The following OSGEPL1 variants were observed in gnomAD, a reference collection of about 807,000 sequenced individuals.
OSGEPL1 encodes tRNA N6-adenosine threonylcarbamoyltransferase, mitochondrial.
Under a neutral mutation model 37.2 loss-of-function variants are expected in OSGEPL1, and 26 were observed. That is an observed-to-expected ratio of 0.70 (90% confidence interval 0.51 to 0.97). The LOEUF is 0.97. OSGEPL1 is among the 50% of genes least tolerant of loss of function. The probability of loss-of-function intolerance (pLI) is 0.00; values close to 1 mark genes in which losing one functional copy is unlikely to be tolerated. For missense variants in OSGEPL1, 404 were observed against 487.0 expected, an observed-to-expected ratio of 0.83 and a Z score of 1.60; for synonymous variants, 140 against 159.9, an observed-to-expected ratio of 0.88 and a Z score of 0.94.
chr2:189,749,405 A>G (rs1024340255), intron 8 of OSGEPL1, among the ~76,000 whole-genome samples: 2 of 151,792 alleles, frequency 1.3e-5, no homozygotes, highest in Non-Finnish European at 2.9e-5. Flanking sequence ...TGCTGTCTAT[A>G]AAAATCGAAA....
chr2:189,762,855 C>T (rs1223484440), upstream of OSGEPL1: 1 of 985,298 alleles, frequency 1.0e-6, no homozygotes, highest in Non-Finnish European at 1.2e-6. Context: ...GAGCGGCATG[C>T]TTAGTGAAGA....
At chr2:189,747,506 C>G (rs1352489351) in intron 8 of OSGEPL1, among the ~76,000 whole-genome samples, 1 of 152,020 alleles carries the variant, frequency 6.6e-6, no homozygotes, top group African/African-American at 2.4e-5. Flanking sequence ...TTGTGGCTAA[C>G]AGTGTTGCTC....
chr2:189,746,750 T>C lies in OSGEPL1; in HGVS notation c.*447A>G, dbSNP rs2044217322. On this transcript the variant is annotated 3_prime_UTR_variant, in exon 9 of 9. Coordinates refer to ENST00000264151, the MANE Select transcript of OSGEPL1 (RefSeq NM_022353.3). ...TTTGAATGAAAGTTCTTGATCTCGA[T>C]ACTAAGCAGATTTTCCTTAGCATGT... is the stretch of plus-strand genomic sequence containing the variant. 5 of 966,394 alleles carry C rather than the reference T, an allele frequency of 5.2e-6. No individual in the cohort carries two copies. The highest frequency in any genetic ancestry group is 7.2e-6 in the Non-Finnish European group (5 of 696,966). 59.9% of individuals were successfully genotyped at this position (966,394 alleles called of 1,614,324 possible). A position where few individuals can be genotyped will look rare whatever the true frequency, so the allele number is the denominator to read the frequency against.
intron 2 of OSGEPL1, among the ~76,000 whole-genome samples, chr2:189,756,064 T>G (rs2046032799): frequency 5.3e-5 from 8 of 152,098 alleles, no homozygotes; most frequent in Admixed American, 5.2e-4. Context: ...GGCATCAAAG[T>G]TTGTTCAGCT....
intron 2 of OSGEPL1, 133 bp downstream of exon 2, chr2:189,761,287 A>C: frequency 1.1e-6 from 1 of 896,762 alleles, no homozygotes; most frequent in South Asian, 2.1e-5. Context: ...GAGGTTTTCT[A>C]TAGCAGTTAT....
chr2:189,752,104 A>G (rs1422872829), intron 7 of OSGEPL1, among the ~76,000 whole-genome samples: 1 of 151,852 alleles, frequency 6.6e-6, no homozygotes, highest in East Asian at 1.9e-4. Flanking sequence ...AGAATGCGCC[A>G]CTGCACTCTA....
At chr2:189,761,318 AATAAGACAGT>A (rs1383284722) in intron 2 of OSGEPL1, 92 bp downstream of exon 2, 5 of 1,261,630 alleles carry the variant, frequency 4.0e-6, no homozygotes, top group Middle Eastern at 2.8e-4. Flanking sequence ...TGCAAAAAGG[AATAAGACAGT>A]AGCTCCTGAA....
At chr2:189,759,398 G>A (rs931513115) in intron 2 of OSGEPL1, among the ~76,000 whole-genome samples, 2 of 152,138 alleles carry the variant, frequency 1.3e-5, no homozygotes, top group Middle Eastern at 3.4e-3. Flanking sequence ...ACAGGCGTCC[G>A]CCACCACGCC....
chr2:189,749,251 A>G (rs2044694881), intron 8 of OSGEPL1, among the ~76,000 whole-genome samples: 1 of 141,480 alleles, frequency 7.1e-6, no homozygotes, highest in African/African-American at 2.6e-5. Flanking sequence ...GTCTAAAAAA[A>G]AAAAAAAAAA....
At chr2:189,749,907 A>T (rs1225077) in intron 8 of OSGEPL1, among the ~76,000 whole-genome samples, 3 of 151,986 alleles carry the variant, frequency 2.0e-5, no homozygotes, top group Admixed American at 6.6e-5. Context: ...AGATTGCCTG[A>T]GCTCAGGAGT....
intron 2 of OSGEPL1, among the ~76,000 whole-genome samples, chr2:189,756,314 CA>C (rs1475232004): frequency 6.6e-6 from 1 of 151,998 alleles, no homozygotes; most frequent in Non-Finnish European, 1.5e-5. Flanking sequence ...AACTAAGAGA[CA>C]AATTTGCTAG....
In OSGEPL1 at chr2:189,750,644, TC is replaced by T; in HGVS notation, c.1178del (p.Gly393GlufsTer2). The T allele has an allele frequency of 6.3e-7, 1 of 1,583,426 alleles. No homozygotes were observed. The highest frequency in any genetic ancestry group is 2.3e-5 in the East Asian group (1 of 44,010). ...CTCCAACTTCTTTTGATATGTCTAC[TC>T]CAAGAGGACATCTACATCATAAGCA... ...GIRYEPKCPLGVDISKEVGEA... is the reference protein window; with the variant it reads ...GIRYEPKCPLXVDISKEVGEA... On this transcript the variant is annotated frameshift_variant, in exon 8 of 9. Transcript: ENST00000264151. LOFTEE classifies it high-confidence loss of function.
rs949067024 is a variant in OSGEPL1, at chr2:189,756,142, G to A, written c.222-582C>T. On this transcript the variant is annotated intron_variant, in intron 2 of 8. Transcript: ENST00000264151. ...AACATGAAGACAGTTTTATAAAGAC[G>A]ACGAGTTTATTTTAAAACACATTCC... Among the ~76,000 whole-genome samples the A allele has an allele frequency of 4.6e-5, 7 of 152,274 alleles. No homozygotes were observed. The South Asian group carries it at 6.2e-4, about 14-fold the overall frequency.
intron 8 of OSGEPL1, among the ~76,000 whole-genome samples, chr2:189,749,611 T>C (rs2044786512): frequency 6.6e-6 from 1 of 152,138 alleles, no homozygotes; most frequent in South Asian, 2.1e-4. Context: ...CTCAAATAAC[T>C]GATGTGAAAG....
At chr2:189,754,893 T>C in intron 3 of OSGEPL1, 1 of 392,024 alleles carries the variant, frequency 2.6e-6, no homozygotes, top group African/African-American at 2.1e-5. Flanking sequence ...ACGAAGCACG[T>C]TCTTTCACAT....
chr2:189,753,523 T>A (rs2243894), intron 5 of OSGEPL1, among the ~76,000 whole-genome samples: 149,404 of 152,234 alleles, frequency 0.98, 73,372 homozygotes, highest in East Asian at 1. Context: ...CGAAAGTTGG[T>A]ATACCACCTC....
Position 189,760,875 on chromosome 2 carries a change from C to T in OSGEPL1, c.221+545G>A, listed in dbSNP as rs183948382. Among the ~76,000 whole-genome samples the T allele has an allele frequency of 1.1e-3, 166 of 152,264 alleles. 1 individual carries two copies. The highest frequency in any genetic ancestry group is 1.6e-3 in the Non-Finnish European group (110 of 68,012). On this transcript the variant is annotated intron_variant, in intron 2 of 8. Transcript: ENST00000264151. ...TAATAACACAGGTCCTGCATTCCCA[C>T]ATGACAACTGGCTAGAGCTGAGTAG... is the stretch of plus-strand genomic sequence containing the variant.
chr2:189,762,375 T>C (rs1176677913), intron 1 of OSGEPL1, among the ~76,000 whole-genome samples: 1 of 152,178 alleles, frequency 6.6e-6, no homozygotes, highest in Non-Finnish European at 1.5e-5. Flanking sequence ...AGGGCCTTTC[T>C]CCACCACACT....
upstream of OSGEPL1, chr2:189,763,128 G>C: frequency 1.0e-6 from 1 of 984,900 alleles, no homozygotes. Context: ...CATTTTTAAG[G>C]GAACTATCAT....
Sources: allele counts gnomAD v4.1 joint callset (sites outside exome capture counted in the v4.1 genomes callset), GRCh38; gene constraint gnomAD v4.1.1; transcripts MANE v1.5; gene names NCBI Gene and HGNC (gene_info 2026-07-23, HGNC 2026-07-21).